The following PLCB4 variants were observed in gnomAD, a reference collection of about 807,000 sequenced individuals.
PLCB4 encodes phospholipase C beta 4, also known as 1-phosphatidylinositol 4,5-bisphosphate phosphodiesterase beta-4.
PLCB4 carries 77 observed loss-of-function variants against 178.8 expected under a neutral mutation model. The ratio of observed to expected loss-of-function variants is 0.43; its 90% CI spans 0.36 to 0.52. The LOEUF (loss-of-function observed/expected upper bound fraction) is 0.52. Ranked by LOEUF, PLCB4 falls within the 20% of genes least tolerant of loss-of-function variation. The pLI, the probability that PLCB4 is intolerant of heterozygous loss-of-function variation, is 0.00. For missense variants in PLCB4, 1,024 were observed against 1,453.4 expected, an observed-to-expected ratio of 0.70 and a Z score of 4.80; for synonymous variants, 496 against 490.8, an observed-to-expected ratio of 1.01 and a Z score of -0.14.
At chr20:9,215,050 G>A (rs937065040) in intron 2 of PLCB4, among the ~76,000 whole-genome samples, 3 of 152,252 alleles carry the variant, frequency 2.0e-5, no homozygotes, top group Non-Finnish European at 2.9e-5. Flanking sequence ...ATTAATCAAT[G>A]AGCTTTTTGG....
intron 3 of PLCB4, among the ~76,000 whole-genome samples, chr20:9,285,515 A>T (rs1314505320): frequency 6.6e-6 from 1 of 151,956 alleles, no homozygotes; most frequent in Non-Finnish European, 1.5e-5. Flanking sequence ...TTTATGATAA[A>T]TTGATATGCT....
At chr20:9,300,091 T>C (rs1377292107) in intron 3 of PLCB4, among the ~76,000 whole-genome samples, 1 of 152,180 alleles carries the variant, frequency 6.6e-6, no homozygotes, top group Non-Finnish European at 1.5e-5. Flanking sequence ...CCCTGGATGA[T>C]CTGATGACAG....
At chr20:9,155,022 A>G (rs2092763761) in intron 2 of PLCB4, among the ~76,000 whole-genome samples, 1 of 146,570 alleles carries the variant, frequency 6.8e-6, no homozygotes, top group Non-Finnish European at 1.5e-5. Flanking sequence ...GTAGTGGTGA[A>G]TTCTGAGATT....
chr20:9,472,968 A>G (rs1375661450), intron 37 of PLCB4, 121 bp downstream of exon 37: 1 of 600,610 alleles, frequency 1.7e-6, no homozygotes, highest in Non-Finnish European at 2.9e-6. Flanking sequence ...TAAACATTCC[A>G]GCTTCTCTGC....
chr20:9,411,845 A>T (rs111763454), intron 25 of PLCB4, among the ~76,000 whole-genome samples: 2 of 152,162 alleles, frequency 1.3e-5, no homozygotes, highest in African/African-American at 4.8e-5. Context: ...GAGGAATCCA[A>T]TGGAAAACTA....
At chr20:9,463,423 C>A (rs188375032) in intron 35 of PLCB4, among the ~76,000 whole-genome samples, 1 of 151,788 alleles carries the variant, frequency 6.6e-6, no homozygotes, top group Non-Finnish European at 1.5e-5. Context: ...ACAATATTAA[C>A]CTTAAATGTA....
intron 2 of PLCB4, among the ~76,000 whole-genome samples, chr20:9,108,090 G>A (rs924503883): frequency 1.3e-5 from 2 of 152,136 alleles, no homozygotes. Context: ...ATTATGAGAG[G>A]TTTGAATGGA....
chr20:9,456,702 T>G (rs942898760), intron 33 of PLCB4, among the ~76,000 whole-genome samples: 2 of 152,302 alleles, frequency 1.3e-5, no homozygotes, highest in Admixed American at 6.5e-5. Flanking sequence ...AAGTGCTAGA[T>G]TTGATGCGAG....
intron 4 of PLCB4, among the ~76,000 whole-genome samples, chr20:9,320,337 A>C (rs1007461476): frequency 6.6e-6 from 1 of 152,214 alleles, no homozygotes; most frequent in Admixed American, 6.5e-5. Context: ...TTAGCATGCT[A>C]ATGCATTCAT....
intron 2 of PLCB4, among the ~76,000 whole-genome samples, chr20:9,106,806 T>C (rs2091381618): frequency 6.6e-6 from 1 of 152,106 alleles, no homozygotes; most frequent in South Asian, 2.1e-4. Context: ...ACCCTTCTAT[T>C]TCTAGGAATT....
intron 3 of PLCB4, among the ~76,000 whole-genome samples, chr20:9,229,345 G>A (rs556202781): frequency 6.6e-6 from 1 of 152,222 alleles, no homozygotes; most frequent in Non-Finnish European, 1.5e-5. Context: ...AGTGTGAGTA[G>A]TTGTCATTTT....
At position 9,397,119 on chromosome 20, in the gene PLCB4, C is replaced by T. The variant is rs566384661; in HGVS notation, c.1510+1501C>T. On this transcript the variant is annotated intron_variant, in intron 19 of 39. Coordinates refer to ENST00000378473, the MANE Select transcript of PLCB4 (RefSeq NM_001377142.1). ...AATCCTCTCAAACCCTGCTGTGATG[C>T]CTTCTCAACTAGGTTTATGTAATAT... Among the ~76,000 whole-genome samples, 3 of 152,324 alleles carry T rather than the reference C, an allele frequency of 2.0e-5. No individual in the cohort carries two copies. In the East Asian group the frequency reaches 5.8e-4, roughly 29 times the overall value.
chr20:9,391,665 C>T (rs1169812295), intron 17 of PLCB4, among the ~76,000 whole-genome samples: 1 of 152,156 alleles, frequency 6.6e-6, no homozygotes, highest in Non-Finnish European at 1.5e-5. Flanking sequence ...CCTTGCAGTG[C>T]CTCCTGTTTC....
chr20:9,204,645 G>A (rs1035901310), intron 2 of PLCB4, among the ~76,000 whole-genome samples: 7 of 152,072 alleles, frequency 4.6e-5, no homozygotes, highest in Admixed American at 4.6e-4. Flanking sequence ...TTACAGGCAT[G>A]AGCCACCGCG....
intron 28 of PLCB4, among the ~76,000 whole-genome samples, chr20:9,430,175 C>T (rs1232041264): frequency 1.3e-5 from 2 of 152,224 alleles, no homozygotes; most frequent in Non-Finnish European, 1.5e-5. Context: ...TCAAAGCCAT[C>T]CTGGGCCACA....
intron 4 of PLCB4, among the ~76,000 whole-genome samples, chr20:9,325,039 ATCT>A (rs2030223967): frequency 6.6e-6 from 1 of 152,194 alleles, no homozygotes; most frequent in Non-Finnish European, 1.5e-5. Flanking sequence ...TTTCAGAAAC[ATCT>A]TCTATGTCAC....
chr20:9,283,178 G>A (rs2094509031), intron 3 of PLCB4, among the ~76,000 whole-genome samples: 1 of 151,926 alleles, frequency 6.6e-6, no homozygotes, highest in Non-Finnish European at 1.5e-5. Flanking sequence ...TTATCTTCAG[G>A]CAGAAACCAT....
At chr20:9,246,509 C>T (rs2094127469) in intron 3 of PLCB4, among the ~76,000 whole-genome samples, 1 of 151,968 alleles carries the variant, frequency 6.6e-6, no homozygotes, top group Admixed American at 6.6e-5. Context: ...TTCTTTAATC[C>T]AACACTTAAT....
intron 30 of PLCB4, among the ~76,000 whole-genome samples, chr20:9,439,266 T>G (rs2041964403): frequency 6.6e-6 from 1 of 152,212 alleles, no homozygotes; most frequent in Non-Finnish European, 1.5e-5. Flanking sequence ...TGGGATGACC[T>G]TATGCACACA....
Sources: allele counts gnomAD v4.1 joint callset (sites outside exome capture counted in the v4.1 genomes callset), GRCh38; gene constraint gnomAD v4.1.1; transcripts MANE v1.5; gene names NCBI Gene and HGNC (gene_info 2026-07-23, HGNC 2026-07-21).